SLC2A1: variants seen among roughly 807,000 people sequenced by gnomAD.
SLC2A1 encodes solute carrier family 2 member 1.
A neutral mutation model predicts 46.6 loss-of-function variants in SLC2A1; 4 were observed. The observed-to-expected ratio is 0.09, with a 90% CI of 0.04 to 0.20. The LOEUF (loss-of-function observed/expected upper bound fraction) is 0.20. Ranked by LOEUF, SLC2A1 falls within the 10% of genes least tolerant of loss-of-function variation. The pLI, the probability that SLC2A1 is intolerant of heterozygous loss-of-function variation, is 1.00. For synonymous variants in SLC2A1, 253 were observed against 270.0 expected (o/e 0.94, Z 0.62); for missense variants, 352 against 667.0 (o/e 0.53, Z 5.20).
chr1:42,950,747 C>A (rs1163640315), intron 1 of SLC2A1, among the ~76,000 whole-genome samples: 2 of 152,046 alleles, frequency 1.3e-5, no homozygotes, highest in Non-Finnish European at 2.9e-5. Context: ...CTGAGGTGGG[C>A]GGATCACCTG....
At chr1:42,942,013 C>T (rs1356827266) in intron 2 of SLC2A1, among the ~76,000 whole-genome samples, 3 of 152,208 alleles carry the variant, frequency 2.0e-5, no homozygotes, top group Admixed American at 2.0e-4. Flanking sequence ...TGGAAGAAGC[C>T]CAGCTAACTC....
chr1:42,951,680 T>C (rs1295624366), intron 1 of SLC2A1: 2 of 396,410 alleles, frequency 5.0e-6, no homozygotes, highest in African/African-American at 2.1e-5. Context: ...TTTTTTTTAA[T>C]CCAATTTTTT....
intron 2 of SLC2A1, 38 bp downstream of exon 2, chr1:42,943,188 G>T: frequency 2.2e-6 from 3 of 1,355,244 alleles, no homozygotes; most frequent in Non-Finnish European, 3.2e-6. Flanking sequence ...CAACAGAGCA[G>T]GCTGGTGTCC....
chr1:42,952,370 G>T, intron 1 of SLC2A1: 1 of 477,480 alleles, frequency 2.1e-6, no homozygotes, highest in Admixed American at 2.2e-5. Context: ...TCAGCCTAGC[G>T]CTTGGCTGGA....
chr1:42,928,714 C>G (rs1643453828), intron 8 of SLC2A1, among the ~76,000 whole-genome samples: 1 of 152,080 alleles, frequency 6.6e-6, no homozygotes, highest in Non-Finnish European at 1.5e-5. Context: ...ACCAGAGGTG[C>G]TGCGCTGAGA....
intron 1 of SLC2A1, among the ~76,000 whole-genome samples, chr1:42,948,847 G>A (rs531814687): frequency 5.9e-5 from 9 of 152,106 alleles, no homozygotes; most frequent in South Asian, 4.1e-4. Context: ...GGCAGATCAC[G>A]AGGTCAGGAG....
At chr1:42,948,654 C>A (rs1335867031) in intron 1 of SLC2A1, among the ~76,000 whole-genome samples, 1 of 152,164 alleles carries the variant, frequency 6.6e-6, no homozygotes, top group Non-Finnish European at 1.5e-5. Context: ...CAAGGCTGGG[C>A]GCGGTGGCTT....
intron 2 of SLC2A1, among the ~76,000 whole-genome samples, chr1:42,936,416 C>A (rs534413608): frequency 2.6e-5 from 4 of 152,326 alleles, no homozygotes; most frequent in African/African-American, 7.2e-5. Context: ...GCCTTCATCT[C>A]CACAGCAACT....
Position 42,930,728 on chromosome 1 carries a change from G to A in SLC2A1, c.414C>T (p.Gly138=). The A allele has an allele frequency of 6.2e-7, 1 of 1,611,876 alleles. No individual in the cohort carries two copies. Among genetic ancestry groups the A allele is most frequent in the Non-Finnish European group, 8.5e-7 (1 of 1,179,970 alleles). ...IIGVYCGLTT[G]FVPMYVGEVS... Reference sequence around the variant, plus strand: ...CTTCACCCACATACATGGGCACGAAGCCTGTGGTCAGGCCGCAGTACACAC... The same window carrying A: ...CTTCACCCACATACATGGGCACGAAACCTGTGGTCAGGCCGCAGTACACAC... The change falls in exon 4 of 10, where the codon GGC becomes GGT. Residue 138 remains glycine, a synonymous_variant. Coordinates refer to ENST00000426263, the MANE Select transcript of SLC2A1 (RefSeq NM_006516.4). This position sits in a 1 kb window ranked among gnomAD's most constrained non-coding sequence, Gnocchi z 6.2.
chr1:42,949,508 AG>A (rs1643698413), intron 1 of SLC2A1, among the ~76,000 whole-genome samples: 1 of 152,210 alleles, frequency 6.6e-6, no homozygotes, highest in African/African-American at 2.4e-5. Flanking sequence ...ACCTGACCTT[AG>A]GGTGACCTCA....
rs183462872 is a variant in SLC2A1 at position 42,933,690 on chromosome 1, C to T, written c.115-2484G>A. 3.3e-5 allele frequency among the ~76,000 whole-genome samples: 5 copies of T among 152,190 alleles called. No homozygotes were observed. The East Asian group carries it at 9.7e-4, about 29-fold the overall frequency. On this transcript the variant is annotated intron_variant, in intron 2 of 9. Transcript: ENST00000426263. ...CCCGTTTATCAGGCTCCACCAAGAA[C>T]AGGCTGCTCTGAATGAGGGTGGATA...
At chr1:42,957,873 C>G (rs1319985401) in intron 1 of SLC2A1, among the ~76,000 whole-genome samples, 1 of 152,162 alleles carries the variant, frequency 6.6e-6, no homozygotes, top group Non-Finnish European at 1.5e-5. Context: ...CCTCCGGTTG[C>G]GCTCCCCGCC....
Position 42,958,742 on chromosome 1 carries a change from G to C in SLC2A1, c.-91C>G. 1 of 1,364,476 alleles carries C rather than the reference G, an allele frequency of 7.3e-7. No individual in the cohort carries two copies. The highest frequency in any genetic ancestry group is 1.0e-6 in the Non-Finnish European group (1 of 999,428). 84.5% of individuals were successfully genotyped at this position (1,364,476 alleles called of 1,614,324 possible). ...GCTCTCCCGCTCAGGCTCGTGCTCC[G>C]GTCCGGGGACTCCCACTGCGACTCT... is the stretch of plus-strand genomic sequence containing the variant. On this transcript the variant is annotated 5_prime_UTR_variant, in exon 1 of 10. Transcript: ENST00000426263.
intron 1 of SLC2A1, among the ~76,000 whole-genome samples, chr1:42,947,573 C>A (rs1470065045): frequency 8.2e-5 from 3 of 36,760 alleles, no homozygotes; most frequent in African/African-American, 1.6e-4. Context: ...ATTACACACA[C>A]ACACACACAA....
chr1:42,929,386 G>A lies in SLC2A1; in HGVS notation c.868-72C>T, dbSNP rs1426991717. ...CTTCCCTGCCTCTGTAGCAGTGGAT[G>A]TGGGACCCAGGATGAGTAAAGAATG... On this transcript the variant is annotated intron_variant, in intron 6 of 9. Coordinates refer to ENST00000426263, the MANE Select transcript of SLC2A1 (RefSeq NM_006516.4). This position sits in a 1 kb window ranked among gnomAD's most constrained non-coding sequence, Gnocchi z 6.0. 3 of 1,283,466 alleles carry A rather than the reference G, an allele frequency of 2.3e-6. No homozygotes were observed. Among genetic ancestry groups the A allele is most frequent in the Admixed American group, 1.9e-5 (1 of 51,566 alleles). The allele number at this position is 1,283,466 out of a possible 1,614,324, so 79.5% of individuals were successfully genotyped here.
intron 1 of SLC2A1, among the ~76,000 whole-genome samples, chr1:42,944,223 G>A (rs550204626): frequency 2.4e-4 from 36 of 152,318 alleles, no homozygotes; most frequent in South Asian, 1.7e-3. Context: ...ATTGGAAGCC[G>A]AGGACCTAAG....
chr1:42,929,439 A>G lies in SLC2A1; in HGVS notation c.868-125T>C. The G allele has an allele frequency of 9.5e-7, 1 of 1,050,748 alleles. No individual in the cohort carries two copies. Among genetic ancestry groups the G allele is most frequent in the Non-Finnish European group, 1.5e-6 (1 of 684,836 alleles). The allele number at this position is 1,050,748 out of a possible 1,614,324, so 65.1% of individuals were successfully genotyped here. A position where few individuals can be genotyped will look rare whatever the true frequency, so the allele number is the denominator to read the frequency against. Reference sequence around the variant, plus strand: ...GGGGACAAATACTCAGGCAGAAGGGACACTGCACTGCAGTGACCTTACGGG... The same window carrying G: ...GGGGACAAATACTCAGGCAGAAGGGGCACTGCACTGCAGTGACCTTACGGG... On this transcript the variant is annotated intron_variant, in intron 6 of 9. Coordinates refer to ENST00000426263, the MANE Select transcript of SLC2A1 (RefSeq NM_006516.4). This position sits in a 1 kb window ranked among gnomAD's most constrained non-coding sequence, Gnocchi z 6.0.
intron 1 of SLC2A1, among the ~76,000 whole-genome samples, chr1:42,949,067 CAAAA>C (rs370563756): frequency 4.7e-5 from 5 of 107,060 alleles, no homozygotes; most frequent in East Asian, 2.5e-4. Context: ...GACTCTGTCT[CAAAA>C]AAAAAAAAAA....
In SLC2A1 at chr1:42,940,930, G is replaced by A. The variant is rs564577810; in HGVS notation, c.114+2296C>T. Among the ~76,000 whole-genome samples the A allele has an allele frequency of 1.8e-4, 28 of 152,036 alleles. No individual in the cohort carries two copies. The South Asian group carries it at 5.2e-3, about 28-fold the overall frequency. ...CGCCTCCATTCCTGCACATCCCACG[G>A]CCACCTCTCAGCTCCTGGCACACCT... On this transcript the variant is annotated intron_variant, in intron 2 of 9. Transcript: ENST00000426263.
Sources: gnomAD v4.1 joint callset for allele counts (sites outside exome capture counted in the v4.1 genomes callset) on GRCh38, gnomAD v4.1.1 for gene constraint, Gnocchi (gnomAD v3.1) non-coding constraint, MANE v1.5 for transcripts, NCBI Gene and HGNC (gene_info 2026-07-23, HGNC 2026-07-21) for gene names.